Variants in TGM3 observed in about 807,000 individuals in gnomAD.
The protein encoded by TGM3 is protein-glutamine gamma-glutamyltransferase E.
In TGM3, 52 loss-of-function variants were observed where a neutral mutation model predicts 73.8. The ratio of observed to expected loss-of-function variants is 0.70; its 90% CI spans 0.56 to 0.89. The LOEUF (loss-of-function observed/expected upper bound fraction) is 0.89. Among genes scored for constraint, TGM3 ranks in the 40% least tolerant of loss-of-function variants. The pLI, the probability that TGM3 is intolerant of heterozygous loss-of-function variation, is 0.00. For missense variants in TGM3, 928 were observed against 909.9 expected, an observed-to-expected ratio of 1.02 and a Z score of -0.26; for synonymous variants, 372 against 354.9, an observed-to-expected ratio of 1.05 and a Z score of -0.54.
intron 11 of TGM3, among the ~76,000 whole-genome samples, chr20:2,336,355 G>C (rs776758094): frequency 4.6e-5 from 7 of 152,084 alleles, no homozygotes; most frequent in Non-Finnish European, 1.0e-4. Context: ...GAGCCTCATG[G>C]GCCAGGCCCT....
chr20:2,323,597 G>A (rs2084272461), intron 7 of TGM3, among the ~76,000 whole-genome samples: 1 of 152,202 alleles, frequency 6.6e-6, no homozygotes, highest in Non-Finnish European at 1.5e-5. Context: ...CAGTGAGTAT[G>A]TAGATTTTTA....
chr20:2,317,924 T>TATATATATATATATC (rs1490080447), intron 7 of TGM3, among the ~76,000 whole-genome samples: 7 of 123,436 alleles, frequency 5.7e-5, no homozygotes, highest in African/African-American at 2.6e-4. Flanking sequence ...TCTCTTAGCA[T>TATATATATATATATC]ATATATATAT....
chr20:2,319,390 T>C (rs1188495428), intron 7 of TGM3, among the ~76,000 whole-genome samples: 1 of 152,148 alleles, frequency 6.6e-6, no homozygotes, highest in East Asian at 1.9e-4. Context: ...TAGAGGCTAA[T>C]TAGCAACACA....
chr20:2,315,250 C>T (rs1302380530), intron 5 of TGM3, among the ~76,000 whole-genome samples: 1 of 152,226 alleles, frequency 6.6e-6, no homozygotes, highest in African/African-American at 2.4e-5. Context: ...CTCCCAGATG[C>T]TCTATTCAGA....
chr20:2,327,933 G>A (rs754173779), intron 8 of TGM3, among the ~76,000 whole-genome samples, 187 bp from the exon 9 acceptor site: 4 of 152,200 alleles, frequency 2.6e-5, no homozygotes, highest in Non-Finnish European at 4.4e-5. Flanking sequence ...AGTTCGACCA[G>A]CAAGAGAATC....
chr20:2,312,380 G>A (rs1360070256), intron 4 of TGM3, among the ~76,000 whole-genome samples: 2 of 113,600 alleles, frequency 1.8e-5, no homozygotes, highest in Non-Finnish European at 3.3e-5. Context: ...CTGGGTGACA[G>A]AGCAAGACTC....
chr20:2,316,693 C>T (rs1374621708), intron 5 of TGM3, among the ~76,000 whole-genome samples: 2 of 152,212 alleles, frequency 1.3e-5, no homozygotes, highest in African/African-American at 2.4e-5. Flanking sequence ...CAGACTGTGA[C>T]AGCAGTGATA....
rs1205391499 is a variant in TGM3, at chr20:2,309,649, C to T, written c.8-8C>T. The stretch of plus-strand genomic sequence containing the variant: ...CTAGGACTTCAGGTTCTCCTTTCTG[C>T]CTCACAGCTCTAGGAGTCCAGAGTA... On this transcript the variant is annotated splice_polypyrimidine_tract_variant and splice_region_variant and intron_variant, in intron 1 of 12. Transcript: ENST00000381458. 1 of 1,613,346 alleles carries T rather than the reference C, an allele frequency of 6.2e-7. No homozygotes were observed. Among genetic ancestry groups the T allele is most frequent in the Non-Finnish European group, 8.5e-7 (1 of 1,179,768 alleles).
At chr20:2,333,357 A>G (rs551800225) in intron 10 of TGM3, among the ~76,000 whole-genome samples, 1 of 152,194 alleles carries the variant, frequency 6.6e-6, no homozygotes, top group South Asian at 2.1e-4. Flanking sequence ...TAGAAACTCA[A>G]AGAAAGGGCT....
In TGM3 at chr20:2,328,028, G is replaced by A. The variant is rs2084298560; in HGVS notation, c.1088-92G>A. ...GGAATTTGGGCGGGGCAGAGGCAGG[G>A]GGTTGCAGTGGTCCTGGAAGGCCCT... On this transcript the variant is annotated intron_variant, in intron 8 of 12. Coordinates refer to ENST00000381458, the MANE Select transcript of TGM3 (RefSeq NM_003245.4). The surrounding 1 kb of genome is among the most constrained non-coding windows in gnomAD (Gnocchi z 5.2). 1 of 1,564,800 alleles carries A rather than the reference G, an allele frequency of 6.4e-7. No homozygotes were observed. The highest frequency in any genetic ancestry group is 8.7e-7 in the Non-Finnish European group (1 of 1,147,986).
In TGM3 at chr20:2,332,410, G is replaced by A. The variant is rs2084326500; in HGVS notation, c.1642+100G>A. ...GCTGGGCTCCAGGTTAGTCAGCTAC[G>A]AATGGAGCAGCCAGCGGCCCCTGTG... On this transcript the variant is annotated intron_variant, in intron 10 of 12. Coordinates refer to ENST00000381458, the MANE Select transcript of TGM3 (RefSeq NM_003245.4). This position sits in a 1 kb window ranked among gnomAD's most constrained non-coding sequence, Gnocchi z 4.4. The A allele has an allele frequency of 2.1e-5, 25 of 1,184,666 alleles. No homozygotes were observed. Among genetic ancestry groups the A allele is most frequent in the South Asian group, 1.8e-4 (11 of 62,452 alleles). The allele number at this position is 1,184,666 out of a possible 1,614,324, so 73.4% of individuals were successfully genotyped here.
intron 7 of TGM3, among the ~76,000 whole-genome samples, chr20:2,321,349 T>G (rs970478908): frequency 1.9e-4 from 29 of 152,210 alleles, no homozygotes; most frequent in African/African-American, 7.0e-4. Flanking sequence ...CAATGAATTA[T>G]TTGCAAGAGT....
At chr20:2,338,974 T>A (rs1312098259) in intron 11 of TGM3, among the ~76,000 whole-genome samples, 1 of 152,250 alleles carries the variant, frequency 6.6e-6, no homozygotes, top group Non-Finnish European at 1.5e-5. Flanking sequence ...TTGGTCTGAA[T>A]AAATAGTCCA....
rs774857547 is a variant in TGM3 at position 2,340,621 on chromosome 20, G to A, written c.*40G>A. 1 of 1,612,944 alleles carries A rather than the reference G, an allele frequency of 6.2e-7. No homozygotes were observed. The highest frequency in any genetic ancestry group is 1.3e-5 in the African/African-American group (1 of 74,898). On this transcript the variant is annotated 3_prime_UTR_variant, in exon 13 of 13. Transcript: ENST00000381458. ...CTCCCGTACAAACTTGGACAACACG[G>A]AGCAGGGAGAGCTCACCATGGAATG...
At chr20:2,312,333 G>A (rs1447328135) in intron 4 of TGM3, among the ~76,000 whole-genome samples, 1 of 139,038 alleles carries the variant, frequency 7.2e-6, no homozygotes, top group African/African-American at 2.6e-5. Context: ...GGAGGTGGAG[G>A]TCACGATGAG....
chr20:2,331,906 GCA>G (rs2084322400), intron 9 of TGM3, 94 bp from the exon 10 acceptor site: 1 of 1,413,120 alleles, frequency 7.1e-7, no homozygotes, highest in East Asian at 2.3e-5. Context: ...AATGGAGCCA[GCA>G]CCAGTCCTAG....
At chr20:2,301,225 G>A (rs760183581) in intron 1 of TGM3, among the ~76,000 whole-genome samples, 14 of 151,640 alleles carry the variant, frequency 9.2e-5, no homozygotes, top group Non-Finnish European at 1.8e-4. Flanking sequence ...AGGAAAGCAC[G>A]TGTGTCCTTG....
Position 2,317,936 on chromosome 20 carries a change from T to TC in TGM3, c.983+451_983+452insC, listed in dbSNP as rs1442963236. Among the ~76,000 whole-genome samples the TC allele has an allele frequency of 2.6e-3, 365 of 140,708 alleles. 5 individuals are homozygous for TC. Among genetic ancestry groups the TC allele is most frequent in the African/African-American group, 8.9e-3 (319 of 35,742 alleles). 92.3% of individuals were successfully genotyped at this position (140,708 alleles called of 152,430 possible). Reference sequence around the variant, plus strand: ...TCTTCTCTTAGCATATATATATATATATATATCATATATATATATATATAC... The same window carrying TC: ...TCTTCTCTTAGCATATATATATATATCATATATCATATATATATATATATAC... On this transcript the variant is annotated intron_variant, in intron 7 of 12. Coordinates refer to ENST00000381458, the MANE Select transcript of TGM3 (RefSeq NM_003245.4).
In TGM3 at chr20:2,340,614, C is replaced by T. The variant is rs1386098403; in HGVS notation, c.*33C>T. On this transcript the variant is annotated 3_prime_UTR_variant, in exon 13 of 13. Coordinates refer to ENST00000381458, the MANE Select transcript of TGM3 (RefSeq NM_003245.4). ...TGGTGGCCTCCCGTACAAACTTGGA[C>T]AACACGGAGCAGGGAGAGCTCACCA... The T allele has an allele frequency of 1.9e-6, 3 of 1,613,726 alleles. No individual in the cohort carries two copies. Among genetic ancestry groups the T allele is most frequent in the Non-Finnish European group, 2.5e-6 (3 of 1,179,816 alleles).
Sources: gnomAD v4.1 joint callset for allele counts (sites outside exome capture counted in the v4.1 genomes callset) on GRCh38, gnomAD v4.1.1 for gene constraint, Gnocchi (gnomAD v3.1) non-coding constraint, MANE v1.5 for transcripts, NCBI Gene and HGNC (gene_info 2026-07-23, HGNC 2026-07-21) for gene names.